Variants in POLR3A observed in about 807,000 individuals in gnomAD.
POLR3A encodes the protein RNA polymerase III subunit A.
POLR3A carries 112 observed loss-of-function variants against 152.8 expected under a neutral mutation model. The ratio of observed to expected loss-of-function variants is 0.73; its 90% CI spans 0.63 to 0.86. POLR3A has a LOEUF of 0.86. Ranked by LOEUF, POLR3A falls within the 40% of genes least tolerant of loss-of-function variation. The pLI, the probability that POLR3A is intolerant of heterozygous loss-of-function variation, is 0.00. For missense variants in POLR3A, 1,385 were observed against 1,743.1 expected (o/e 0.79, Z 3.66); for synonymous variants, 615 against 652.1 (o/e 0.94, Z 0.87).
At chr10:77,980,074 G>A (rs1477146682) in intron 30 of POLR3A, 67 bp downstream of exon 30, 3 of 1,451,558 alleles carry the variant, frequency 2.1e-6, no homozygotes, top group African/African-American at 2.8e-5. Flanking sequence ...TCCCTTGGAA[G>A]CCTAGCCATG....
intron 15 of POLR3A, among the ~76,000 whole-genome samples, 192 bp from the exon 16 acceptor site, chr10:78,005,080 A>G (rs1847398129): frequency 1.3e-5 from 2 of 152,258 alleles, no homozygotes; most frequent in Admixed American, 6.5e-5. Context: ...TTTCTCAGTC[A>G]TTAGGGAGTT....
At chr10:77,978,533 G>T (rs1847110338) in intron 30 of POLR3A, among the ~76,000 whole-genome samples, 1 of 152,154 alleles carries the variant, frequency 6.6e-6, no homozygotes, top group Admixed American at 6.5e-5. Context: ...AGGCTTGAGT[G>T]CTGGGTCTCA....
intron 10 of POLR3A, among the ~76,000 whole-genome samples, chr10:78,015,894 AC>A (rs1285988692): frequency 2.6e-5 from 4 of 152,336 alleles, no homozygotes; most frequent in Middle Eastern, 3.4e-3. Flanking sequence ...GCTTTAGTTA[AC>A]CCTCTACATT....
intron 18 of POLR3A, among the ~76,000 whole-genome samples, chr10:78,000,651 T>C (rs1847348148): frequency 6.6e-6 from 1 of 152,226 alleles, no homozygotes; most frequent in Non-Finnish European, 1.5e-5. Context: ...GTAAATTATA[T>C]ATGAAGTATA....
rs372788440 is a variant in POLR3A, at chr10:78,001,020, C to T, written c.2434G>A (p.Gly812Ser). The part of the protein sequence containing the change: ...QAISGSRVPD[G>S]FENRSLPHFE... Reference sequence around the variant, plus strand: ...TGAGGCAAGGACCTGTTTTCAAAGCCGTCTGGCACTCGAGAGCCACTGATG... The same window carrying T: ...TGAGGCAAGGACCTGTTTTCAAAGCTGTCTGGCACTCGAGAGCCACTGATG... Residue 812 changes from glycine (G) to serine (S), a missense_variant, in exon 18 of 31, where the codon GGC becomes AGC. Transcript: ENST00000372371. The T allele has an allele frequency of 2.5e-5, 40 of 1,611,406 alleles. No individual in the cohort carries two copies. In the Admixed American group the frequency reaches 4.5e-4, roughly 18 times the overall value.
intron 10 of POLR3A, among the ~76,000 whole-genome samples, chr10:78,016,658 G>A (rs751132904): frequency 2.0e-5 from 3 of 150,674 alleles, no homozygotes; most frequent in Admixed American, 2.0e-4. Flanking sequence ...AGGCTGCTGT[G>A]AGCCAAGACT....
intron 11 of POLR3A, among the ~76,000 whole-genome samples, chr10:78,010,748 C>A (rs1847459306): frequency 6.6e-6 from 1 of 152,110 alleles, no homozygotes; most frequent in Non-Finnish European, 1.5e-5. Context: ...AAAATACCAG[C>A]AAGATTGACC....
rs758997758 is a variant in POLR3A, at chr10:77,980,272, C to G, written c.3893G>C (p.Gly1298Ala). 1.2e-6 allele frequency: 2 copies of G among 1,614,056 alleles called. No individual in the cohort carries two copies. The highest frequency in any genetic ancestry group is 2.2e-5 in the South Asian group (2 of 91,076). ...MLLSDLMTYK[G>A]EVLGITRFGL... ...AAACCTAGTGATGCCCAGGACTTCA[C>G]CCTGCGTCAAGGGAGAAAGAGTCAC... The change falls in exon 30 of 31, where the codon GGT becomes GCT. Residue 1298 changes from glycine (G) to alanine (A), a missense_variant and splice_region_variant. By Grantham distance (60) the Gly-to-Ala change is moderately conservative. Around this residue, in one of 7 missense-constraint regions of POLR3A, gnomAD observed 332 missense variants for 400.1 expected, o/e 0.83. Coordinates refer to ENST00000372371, the MANE Select transcript of POLR3A (RefSeq NM_007055.4).
At chr10:78,008,354 T>TA (rs1167270928) in intron 14 of POLR3A, among the ~76,000 whole-genome samples, 1 of 152,212 alleles carries the variant, frequency 6.6e-6, no homozygotes, top group African/African-American at 2.4e-5. Flanking sequence ...GAAGCTGAAG[T>TA]ATTTTGAAGA....
chr10:78,023,830 G>T (rs1264453641), intron 5 of POLR3A, among the ~76,000 whole-genome samples: 1 of 151,148 alleles, frequency 6.6e-6, no homozygotes, highest in Non-Finnish European at 1.5e-5. Flanking sequence ...TAAAAAAAAA[G>T]AACTGAGGTA....
intron 5 of POLR3A, among the ~76,000 whole-genome samples, chr10:78,023,591 C>T (rs1437580735): frequency 6.6e-6 from 1 of 151,940 alleles, no homozygotes; most frequent in Non-Finnish European, 1.5e-5. Flanking sequence ...GCCTGGGCAA[C>T]ATAGCAAGAC....
At position 78,021,868 on chromosome 10, in the gene POLR3A, C is replaced by T; in HGVS notation, c.1040G>A (p.Gly347Glu). The T allele has an allele frequency of 6.2e-7, 1 of 1,613,792 alleles. No homozygotes were observed. The highest frequency in any genetic ancestry group is 8.5e-7 in the Non-Finnish European group (1 of 1,180,040). ...TCTTGTGGGAAACCTACCCTGTTTTCCCTTCAGGCGTTGGACGAAGCCTCT... is the reference window on the plus strand; with the variant it reads ...TCTTGTGGGAAACCTACCCTGTTTTTCCTTCAGGCGTTGGACGAAGCCTCT... Reference protein sequence around the residue: ...WTRGFVQRLKGKQGRFRGNLS... With the variant: ...WTRGFVQRLKEKQGRFRGNLS... Residue 347 changes from glycine to glutamate, a missense_variant, in exon 7 of 31, where the codon GGA becomes GAA. By Grantham distance (98) the Gly-to-Glu change is moderately conservative. This residue lies in a region of POLR3A where 493 missense variants were observed against 647.5 expected (regional missense o/e 0.76). Coordinates refer to ENST00000372371, the MANE Select transcript of POLR3A (RefSeq NM_007055.4).
intron 11 of POLR3A, chr10:78,013,430 CCTAA>C (rs1227528535): frequency 1.7e-6 from 1 of 573,190 alleles, no homozygotes; most frequent in Non-Finnish European, 3.1e-6. Context: ...TGTTACAGAC[CCTAA>C]CTCTCATGTA....
intron 11 of POLR3A, among the ~76,000 whole-genome samples, chr10:78,012,167 C>G (rs1207135032): frequency 6.6e-6 from 1 of 152,100 alleles, no homozygotes; most frequent in Non-Finnish European, 1.5e-5. Flanking sequence ...GAGTTCAAGA[C>G]CAGCCTGACG....
At chr10:77,993,517 C>T (rs1004193461) in intron 19 of POLR3A, 150 bp from the exon 20 acceptor site, 20 of 686,780 alleles carry the variant, frequency 2.9e-5, no homozygotes, top group Non-Finnish European at 4.9e-5. Context: ...AGAGTCCTCT[C>T]ACCCCAAGAA....
intron 10 of POLR3A, among the ~76,000 whole-genome samples, chr10:78,016,783 G>A (rs1380326376): frequency 3.3e-5 from 5 of 151,238 alleles, no homozygotes; most frequent in Non-Finnish European, 4.4e-5. Context: ...GCTGAGGTGG[G>A]AGGATCGCTT....
Position 78,021,885 on chromosome 10 carries a change from G to C in POLR3A, c.1023C>G (p.Phe341Leu). 2 of 1,614,024 alleles carry C rather than the reference G, an allele frequency of 1.2e-6. No individual in the cohort carries two copies. The highest frequency in any genetic ancestry group is 2.2e-5 in the South Asian group (2 of 91,070). The change falls in exon 7 of 31, where the codon TTC becomes TTG. Residue 341 changes from phenylalanine (F) to leucine (L), a missense_variant. Phe to Leu is a conservative substitution (Grantham distance 22, BLOSUM62 0). Coordinates refer to ENST00000372371, the MANE Select transcript of POLR3A (RefSeq NM_007055.4). ...CCTGTTTTCCCTTCAGGCGTTGGAC[G>C]AAGCCTCTGGTCCACTTCTTGGGTG... ...NMAPKKWTRG[F>L]VQRLKGKQGR...
At chr10:77,981,868 C>CAAAAAAAAAA (rs60259976) in intron 28 of POLR3A, among the ~76,000 whole-genome samples, 12 of 63,508 alleles carry the variant, frequency 1.9e-4, no homozygotes, top group Middle Eastern at 0.026. Flanking sequence ...ACTAAAAATA[C>CAAAAAAAAAA]AAAAAAAAAA....
At position 78,013,687 on chromosome 10, in the gene POLR3A, G is replaced by T; in HGVS notation, c.1535C>A (p.Thr512Lys). ...GDEMNLHLPQTEEAKAEALVL... is the reference protein window; with the variant it reads ...GDEMNLHLPQKEEAKAEALVL... Reference sequence around the variant, plus strand: ...AAGGGCCTCTGCTTTAGCTTCTTCTGTTTGAGGAAGATGAAGGTTCATTTC... The same window carrying T: ...AAGGGCCTCTGCTTTAGCTTCTTCTTTTTGAGGAAGATGAAGGTTCATTTC... Residue 512 changes from threonine to lysine, a missense_variant, in exon 11 of 31, where the codon ACA (threonine) becomes AAA (lysine). By Grantham distance (78) the Thr-to-Lys change is moderately conservative (BLOSUM62 -1). This residue lies in a region of POLR3A where 493 missense variants were observed against 647.5 expected (regional missense o/e 0.76). Coordinates refer to ENST00000372371, the MANE Select transcript of POLR3A (RefSeq NM_007055.4). The T allele has an allele frequency of 1.9e-6, 3 of 1,614,060 alleles. No homozygotes were observed. The highest frequency in any genetic ancestry group is 2.5e-6 in the Non-Finnish European group (3 of 1,180,006).
Sources: allele counts gnomAD v4.1 joint callset (sites outside exome capture counted in the v4.1 genomes callset), GRCh38; gene constraint gnomAD v4.1.1; regional missense constraint gnomAD v4.1.1; transcripts MANE v1.5; gene names NCBI Gene and HGNC (gene_info 2026-07-23, HGNC 2026-07-21).